ADAMTS6: variants seen among roughly 807,000 people sequenced by gnomAD.
The protein encoded by ADAMTS6 is ADAM metallopeptidase with thrombospondin type 1 motif 6.
Under a neutral mutation model 144.3 loss-of-function variants are expected in ADAMTS6, and 23 were observed. The observed-to-expected ratio is 0.16, with a 90% CI of 0.11 to 0.23. The LOEUF is 0.23. Among genes scored for constraint, ADAMTS6 ranks in the 10% least tolerant of loss-of-function variants. The probability of loss-of-function intolerance (pLI) is 1.00; values close to 1 mark genes in which losing one functional copy is unlikely to be tolerated. For synonymous variants in ADAMTS6, 444 were observed against 457.5 expected (o/e 0.97, Z 0.38); for missense variants, 999 against 1,379.6 (o/e 0.72, Z 4.37).
chr5:65,224,480 T>C, intron 17 of ADAMTS6, 80 bp from the exon 18 acceptor site: 1 of 1,156,548 alleles, frequency 8.6e-7, no homozygotes, highest in South Asian at 1.3e-5. Flanking sequence ...AGTAATAGTT[T>C]CCTTATTATT....
At chr5:65,273,543 G>T in intron 11 of ADAMTS6, 96 bp from the exon 12 acceptor site, 1 of 988,014 alleles carries the variant, frequency 1.0e-6, no homozygotes, top group Non-Finnish European at 1.5e-6. Context: ...ACTTTCAAGA[G>T]ACCCTGGGTA....
chr5:65,421,213 G>C (rs779233258), intron 7 of ADAMTS6, among the ~76,000 whole-genome samples: 8 of 152,068 alleles, frequency 5.3e-5, no homozygotes, highest in Non-Finnish European at 1.0e-4. Context: ...TCAACCTTTT[G>C]CTTCAAGATT....
chr5:65,402,282 T>C (rs1316835348), intron 7 of ADAMTS6, among the ~76,000 whole-genome samples: 1 of 152,120 alleles, frequency 6.6e-6, no homozygotes, highest in East Asian at 1.9e-4. Flanking sequence ...CGAAAACATA[T>C]ATCCTAGGGA....
chr5:65,415,088 A>T (rs558049618), intron 7 of ADAMTS6, among the ~76,000 whole-genome samples: 1 of 152,252 alleles, frequency 6.6e-6, no homozygotes, highest in Non-Finnish European at 1.5e-5. Flanking sequence ...ATCATATATG[A>T]TAAGTCTAAT....
chr5:65,371,521 G>A (rs1750911811), intron 7 of ADAMTS6, among the ~76,000 whole-genome samples: 1 of 152,152 alleles, frequency 6.6e-6, no homozygotes, highest in Admixed American at 6.5e-5. Context: ...AAGGGTATCA[G>A]CGATGGAAGA....
chr5:65,434,580 C>T (rs1191881892), intron 7 of ADAMTS6, among the ~76,000 whole-genome samples: 1 of 152,112 alleles, frequency 6.6e-6, no homozygotes, highest in African/African-American at 2.4e-5. Flanking sequence ...AAGACAATGA[C>T]AAACTAAGTT....
intron 7 of ADAMTS6, among the ~76,000 whole-genome samples, chr5:65,433,736 A>G (rs1259232146): frequency 2.6e-5 from 4 of 152,222 alleles, no homozygotes; most frequent in African/African-American, 9.6e-5. Context: ...ATAACTAACA[A>G]GACATACAAT....
At chr5:65,278,518 A>G (rs953419627) in intron 11 of ADAMTS6, among the ~76,000 whole-genome samples, 14 of 152,208 alleles carry the variant, frequency 9.2e-5, no homozygotes, top group African/African-American at 2.9e-4. Context: ...AATAATGTCA[A>G]TTCTTGCAGG....
chr5:65,200,934 C>T (rs1178375742), intron 20 of ADAMTS6, among the ~76,000 whole-genome samples: 1 of 152,110 alleles, frequency 6.6e-6, no homozygotes, highest in Admixed American at 6.6e-5. Context: ...AAATGTAACC[C>T]TCACTTTTTG....
chr5:65,298,651 T>C (rs1416846007), intron 10 of ADAMTS6, among the ~76,000 whole-genome samples: 3 of 152,308 alleles, frequency 2.0e-5, no homozygotes, highest in South Asian at 2.1e-4. Context: ...TATAATCTTA[T>C]AATTTTCTGT....
chr5:65,466,818 G>A (rs1253182139), intron 3 of ADAMTS6, among the ~76,000 whole-genome samples: 9 of 152,150 alleles, frequency 5.9e-5, no homozygotes, highest in Admixed American at 4.6e-4. Flanking sequence ...CGAGGTGGGC[G>A]GATCACGAGG....
At chr5:65,254,259 CTAATA>C (rs1760464450) in intron 14 of ADAMTS6, among the ~76,000 whole-genome samples, 1 of 152,078 alleles carries the variant, frequency 6.6e-6, no homozygotes, top group African/African-American at 2.4e-5. Flanking sequence ...CGCTTCTGCT[CTAATA>C]TGACACACGC....
rs754861492 is a variant in ADAMTS6, at chr5:65,230,832, T to TATATATATAATACATATATATGAA, written c.1934-4637_1934-4614dup. Among the ~76,000 whole-genome samples the TATATATATAATACATATATATGAA allele has an allele frequency of 1.3e-4, 12 of 95,552 alleles. 1 individual carries two copies. The highest frequency in any genetic ancestry group is 1.1e-3 in the Admixed American group (9 of 8,304). The allele number at this position is 95,552 out of a possible 152,430, so 62.7% of individuals were successfully genotyped here. A position where few individuals can be genotyped will look rare whatever the true frequency, so the allele number is the denominator to read the frequency against. On this transcript the variant is annotated intron_variant, in intron 15 of 24. Coordinates refer to ENST00000381055, the MANE Select transcript of ADAMTS6 (RefSeq NM_197941.4). ...TATATATATAATACATATGTATAAA[T>TATATATATAATACATATATATGAA]ATATATATAATACATATATATGAAA...
At chr5:65,288,303 TTTTTCTTTTC>T (rs1561381145) in intron 11 of ADAMTS6, among the ~76,000 whole-genome samples, 1 of 145,572 alleles carries the variant, frequency 6.9e-6, no homozygotes, top group East Asian at 2.0e-4. Context: ...CTTTTTTCTT[TTTTTCTTTTC>T]TTTTCTTTTT....
intron 14 of ADAMTS6, among the ~76,000 whole-genome samples, chr5:65,249,816 A>G (rs552651077): frequency 3.9e-5 from 6 of 152,364 alleles, no homozygotes; most frequent in South Asian, 2.1e-4. Flanking sequence ...TCAATGGATC[A>G]ACTCTGTACC....
chr5:65,263,436 G>A (rs548104691), intron 12 of ADAMTS6, among the ~76,000 whole-genome samples: 9 of 144,624 alleles, frequency 6.2e-5, no homozygotes, highest in Non-Finnish European at 1.1e-4. Context: ...AAAAAAAGCC[G>A]GTTGAGGCTA....
chr5:65,292,725 C>T (rs1384098528), intron 10 of ADAMTS6, among the ~76,000 whole-genome samples: 1 of 151,900 alleles, frequency 6.6e-6, no homozygotes, highest in African/African-American at 2.4e-5. Flanking sequence ...TCTTTCATGC[C>T]CTCCTGATTT....
At chr5:65,323,710 T>C (rs9800132) in intron 9 of ADAMTS6, among the ~76,000 whole-genome samples, 1 of 152,118 alleles carries the variant, frequency 6.6e-6, no homozygotes. Flanking sequence ...TCCACGATGG[T>C]TGAACTAGTT....
intron 11 of ADAMTS6, among the ~76,000 whole-genome samples, chr5:65,274,064 T>C (rs1484340120): frequency 6.6e-6 from 1 of 152,186 alleles, no homozygotes; most frequent in Non-Finnish European, 1.5e-5. Context: ...TTTGAACAAA[T>C]GCTGCTGTTT....
Sources: allele counts gnomAD v4.1 joint callset (sites outside exome capture counted in the v4.1 genomes callset), GRCh38; gene constraint gnomAD v4.1.1; transcripts MANE v1.5; gene names NCBI Gene and HGNC (gene_info 2026-07-23, HGNC 2026-07-21).